C4orf51: variants seen among roughly 807,000 people sequenced by gnomAD.
The protein encoded by C4orf51 is chromosome 4 open reading frame 51.
C4orf51 carries 25 observed loss-of-function variants against 25.2 expected under a neutral mutation model. The ratio of observed to expected loss-of-function variants is 0.99; its 90% CI spans 0.72 to 1.39. The LOEUF (loss-of-function observed/expected upper bound fraction) is 1.39, where lower values mean the gene tolerates loss of function less well. C4orf51 is among the 40% of genes most tolerant of loss of function. C4orf51 has a pLI of 0.00. For synonymous variants in C4orf51, 100 were observed against 84.5 expected, an observed-to-expected ratio of 1.18 and a Z score of -1.01; for missense variants, 252 against 239.6, an observed-to-expected ratio of 1.05 and a Z score of -0.34.
intron 3 of C4orf51, 100 bp from the exon 4 acceptor site, chr4:145,729,069 A>G: frequency 1.2e-6 from 1 of 832,364 alleles, no homozygotes; most frequent in Non-Finnish European, 2.0e-6. Flanking sequence ...TGCTTTCTGA[A>G]TGCAGGGGTG....
chr4:145,770,171 T>G (rs1218556783), intron 1 of C4orf51, among the ~76,000 whole-genome samples: 1 of 152,038 alleles, frequency 6.6e-6, no homozygotes, highest in Non-Finnish European at 1.5e-5. Flanking sequence ...TGGTGCCCCA[T>G]GCCTATGATC....
At chr4:145,747,217 G>A (rs1445919958) in intron 1 of C4orf51, among the ~76,000 whole-genome samples, 1 of 151,912 alleles carries the variant, frequency 6.6e-6, no homozygotes, top group Non-Finnish European at 1.5e-5. Context: ...TCTAGCTATG[G>A]CTTCCAGTAC....
chr4:145,733,125 C>T (rs1732586187), downstream of C4orf51, among the ~76,000 whole-genome samples: 1 of 151,980 alleles, frequency 6.6e-6, no homozygotes, highest in South Asian at 2.1e-4. Context: ...AGGCTGCCTG[C>T]GCCCCCAAAG....
intron 1 of C4orf51, among the ~76,000 whole-genome samples, chr4:145,742,857 A>G (rs932626554): frequency 3.3e-5 from 5 of 152,156 alleles, no homozygotes; most frequent in African/African-American, 9.7e-5. Context: ...TTTCTTCTAG[A>G]CAGGAAACTA....
intron 1 of C4orf51, among the ~76,000 whole-genome samples, chr4:145,741,752 C>CT (rs1409094101): frequency 1.3e-5 from 2 of 152,028 alleles, no homozygotes; most frequent in Admixed American, 1.3e-4. Context: ...GGCTGGCGTG[C>CT]AGTGGCTCGA....
At chr4:145,779,060 T>A in the C4orf51 span, among the ~76,000 whole-genome samples, 1 of 151,740 alleles carries the variant, frequency 6.6e-6, no homozygotes, top group Admixed American at 6.6e-5. Flanking sequence ...TAAGATGGAG[T>A]GTGTCCCCCT....
At chr4:145,685,324 T>C (rs1192248215) in intron 1 of C4orf51, among the ~76,000 whole-genome samples, 1 of 152,188 alleles carries the variant, frequency 6.6e-6, no homozygotes, top group Non-Finnish European at 1.5e-5. Flanking sequence ...ATAATTCAAA[T>C]AATACAGAGT....
chr4:145,753,884 C>A (rs1733810258), intron 1 of C4orf51, among the ~76,000 whole-genome samples: 2 of 152,224 alleles, frequency 1.3e-5, no homozygotes, highest in Admixed American at 1.3e-4. Flanking sequence ...AAATAACACA[C>A]CCCCAATATG....
intron 1 of C4orf51, among the ~76,000 whole-genome samples, chr4:145,753,664 G>A (rs967968459): frequency 2.0e-5 from 3 of 152,078 alleles, no homozygotes; most frequent in African/African-American, 7.2e-5. Context: ...CCCTTTCATG[G>A]TGAGTTTGGA....
At chr4:145,710,626 A>C (rs1731080589) in intron 2 of C4orf51, among the ~76,000 whole-genome samples, 1 of 152,156 alleles carries the variant, frequency 6.6e-6, no homozygotes, top group Non-Finnish European at 1.5e-5. Context: ...CCACTTACCC[A>C]TCTCCTGAAA....
Position 145,765,482 on chromosome 4 carries a change from A to T in C4orf51, n.167-5506A>T. The T allele has an allele frequency of 2.6e-6, 4 of 1,534,244 alleles. No homozygotes were observed. The highest frequency in any genetic ancestry group is 3.5e-6 in the Non-Finnish European group (4 of 1,139,368). On this transcript the variant is annotated intron_variant and non_coding_transcript_variant, in intron 1 of 1. Coordinates refer to the C4orf51 transcript ENST00000510096. The surrounding 1 kb of genome is among the most constrained non-coding windows in gnomAD (Gnocchi z 4.7). ...TTGACATCGCTCCTGTGCAGGGCTT[A>T]TTCTCAAGAATGGGTCATCCTGGGT...
Position 145,765,620 on chromosome 4 carries a change from C to T in C4orf51, n.167-5368C>T. 2.5e-6 allele frequency: 4 copies of T among 1,614,090 alleles called. No individual in the cohort carries two copies. Among genetic ancestry groups the T allele is most frequent in the Non-Finnish European group, 3.4e-6 (4 of 1,180,018 alleles). On this transcript the variant is annotated intron_variant and non_coding_transcript_variant, in intron 1 of 1. Coordinates refer to the C4orf51 transcript ENST00000510096. This position sits in a 1 kb window ranked among gnomAD's most constrained non-coding sequence, Gnocchi z 4.7. Reference sequence around the variant, plus strand: ...TGACAGAGATGACCAGCAGATTGTTCCCGCCCTTGTTTTTCTGGGAGCCAT... The same window carrying T: ...TGACAGAGATGACCAGCAGATTGTTTCCGCCCTTGTTTTTCTGGGAGCCAT...
intron 1 of C4orf51, among the ~76,000 whole-genome samples, chr4:145,766,028 C>T (rs139036580): frequency 3.3e-5 from 5 of 152,312 alleles, no homozygotes; most frequent in African/African-American, 1.2e-4. Context: ...CATGTTACCA[C>T]GTTCCAGGAA....
downstream of C4orf51, among the ~76,000 whole-genome samples, chr4:145,773,677 G>A (rs1310454156): frequency 6.6e-6 from 1 of 152,230 alleles, no homozygotes; most frequent in East Asian, 1.9e-4. Context: ...AATGGAAGAA[G>A]TTAACCAGAA....
the C4orf51 span, among the ~76,000 whole-genome samples, chr4:145,779,695 C>A: frequency 6.6e-6 from 1 of 152,206 alleles, no homozygotes; most frequent in East Asian, 1.9e-4. Context: ...TTGAAAGCTG[C>A]GGTGGCAAGT....
At chr4:145,721,248 G>T (rs936866016) in intron 2 of C4orf51, among the ~76,000 whole-genome samples, 1 of 151,856 alleles carries the variant, frequency 6.6e-6, no homozygotes, top group African/African-American at 2.4e-5. Context: ...AGAAGGCTGA[G>T]GCCAGAGAAT....
At chr4:145,757,807 CCTT>C (rs1397316182), downstream of C4orf51, 1 of 151,710 alleles carries the variant, frequency 6.6e-6, no homozygotes, top group East Asian at 1.9e-4. Flanking sequence ...TGTACACAAA[CCTT>C]GACAGTATGA....
downstream of C4orf51, among the ~76,000 whole-genome samples, chr4:145,755,530 G>T (rs1560871776): frequency 6.6e-6 from 1 of 152,190 alleles, no homozygotes; most frequent in Non-Finnish European, 1.5e-5. Flanking sequence ...GTGTGAGCAG[G>T]ATCTGAATTT....
intron 1 of C4orf51, among the ~76,000 whole-genome samples, chr4:145,769,938 C>G (rs535218668): frequency 1.3e-5 from 2 of 152,310 alleles, no homozygotes; most frequent in South Asian, 4.1e-4. Context: ...TTTTAGAGTA[C>G]TTTTCATTCT....
Sources: gnomAD v4.1 joint callset for allele counts (sites outside exome capture counted in the v4.1 genomes callset) on GRCh38, gnomAD v4.1.1 for gene constraint, Gnocchi (gnomAD v3.1) non-coding constraint, MANE v1.5 for transcripts, NCBI Gene and HGNC (gene_info 2026-07-23, HGNC 2026-07-21) for gene names.